SYN3: variants seen among roughly 807,000 people sequenced by gnomAD.
The protein encoded by SYN3 is synapsin III.
A neutral mutation model predicts 65.8 loss-of-function variants in SYN3; 35 were observed. That is an observed-to-expected ratio of 0.53 (90% CI 0.41 to 0.70). SYN3 has a LOEUF of 0.70. SYN3 is among the 30% of genes least tolerant of loss of function. The pLI, the probability that SYN3 is intolerant of heterozygous loss-of-function variation, is 0.00. For synonymous variants in SYN3, 270 were observed against 292.9 expected, an observed-to-expected ratio of 0.92 and a Z score of 0.80; for missense variants, 680 against 749.0, an observed-to-expected ratio of 0.91 and a Z score of 1.08.
At chr22:32,562,976 C>G (rs2146361632) in intron 7 of SYN3, among the ~76,000 whole-genome samples, 1 of 152,360 alleles carries the variant, frequency 6.6e-6, no homozygotes, top group Non-Finnish European at 1.5e-5. Context: ...GGGCAAGTAA[C>G]TTTCCCTCTC....
At chr22:32,825,340 A>T (rs2047369969) in intron 6 of SYN3, among the ~76,000 whole-genome samples, 1 of 152,160 alleles carries the variant, frequency 6.6e-6, no homozygotes, top group Non-Finnish European at 1.5e-5. Context: ...GATCCAGAGG[A>T]AATAATCAGG....
chr22:32,831,680 A>T (rs1031476513), intron 6 of SYN3, among the ~76,000 whole-genome samples: 5 of 152,108 alleles, frequency 3.3e-5, no homozygotes, highest in Non-Finnish European at 5.9e-5. Context: ...AGAGCAAAAG[A>T]CCTTACTTGG....
At chr22:32,559,752 C>A (rs901301945) in intron 7 of SYN3, among the ~76,000 whole-genome samples, 1 of 151,760 alleles carries the variant, frequency 6.6e-6, no homozygotes, top group Non-Finnish European at 1.5e-5. Context: ...ATGGTGTGAA[C>A]CTGGGAGGCA....
At chr22:33,027,669 A>G (rs2053662719) in intron 1 of SYN3, among the ~76,000 whole-genome samples, 1 of 151,932 alleles carries the variant, frequency 6.6e-6, no homozygotes, top group East Asian at 1.9e-4. Context: ...AGAAAGAAAA[A>G]GAAAGAAAAG....
intron 6 of SYN3, among the ~76,000 whole-genome samples, chr22:32,706,128 T>C (rs898235313): frequency 3.3e-5 from 5 of 152,218 alleles, no homozygotes; most frequent in Non-Finnish European, 7.3e-5. Flanking sequence ...AGGACAACCT[T>C]GTCTTTTGCC....
chr22:32,634,947 T>TA (rs2059794883), intron 6 of SYN3, among the ~76,000 whole-genome samples: 1 of 152,076 alleles, frequency 6.6e-6, no homozygotes, highest in Non-Finnish European at 1.5e-5. Context: ...TTTTTTTTTT[T>TA]AGCTCATCAG....
chr22:33,000,699 T>C (rs1260432600), intron 2 of SYN3, among the ~76,000 whole-genome samples: 1 of 152,124 alleles, frequency 6.6e-6, no homozygotes, highest in African/African-American at 2.4e-5. Context: ...CTGCAGCTCC[T>C]CTCCCCTTCA....
chr22:32,522,641 T>C (rs1191784124), intron 12 of SYN3, among the ~76,000 whole-genome samples: 2 of 152,202 alleles, frequency 1.3e-5, no homozygotes, highest in African/African-American at 4.8e-5. Flanking sequence ...CACACGTTAT[T>C]AATAGTAAGC....
chr22:32,938,697 C>T (rs542498160), intron 3 of SYN3, among the ~76,000 whole-genome samples: 4 of 152,046 alleles, frequency 2.6e-5, no homozygotes, highest in East Asian at 1.9e-4. Flanking sequence ...GAGGCCAAGA[C>T]GGGTGGATAA....
At chr22:32,913,573 T>C (rs931384990) in intron 4 of SYN3, among the ~76,000 whole-genome samples, 2 of 152,156 alleles carry the variant, frequency 1.3e-5, no homozygotes, top group African/African-American at 4.8e-5. Context: ...TTTTTCTATT[T>C]TCTTGCTGGG....
chr22:32,879,229 C>T (rs1341674770), intron 4 of SYN3, among the ~76,000 whole-genome samples: 1 of 152,174 alleles, frequency 6.6e-6, no homozygotes, highest in African/African-American at 2.4e-5. Context: ...GGTAAAGTTT[C>T]ATGGATCTGC....
chr22:32,553,963 C>A (rs1452009227), intron 7 of SYN3, among the ~76,000 whole-genome samples: 1 of 151,952 alleles, frequency 6.6e-6, no homozygotes, highest in Non-Finnish European at 1.5e-5. Flanking sequence ...GAGACATTGC[C>A]ACCTCCACTG....
chr22:33,024,809 T>C (rs941048040), intron 1 of SYN3, among the ~76,000 whole-genome samples: 2 of 152,206 alleles, frequency 1.3e-5, no homozygotes, highest in Admixed American at 6.5e-5. Context: ...AGACAGTTCA[T>C]TGGTTCCAGA....
chr22:32,636,950 T>C (rs1178519584), intron 6 of SYN3, among the ~76,000 whole-genome samples: 1 of 152,136 alleles, frequency 6.6e-6, no homozygotes, highest in Non-Finnish European at 1.5e-5. Context: ...TCCCAGTATA[T>C]AGAACAGATA....
At position 32,523,238 on chromosome 22, in the gene SYN3, C is replaced by T. The variant is rs565587584; in HGVS notation, c.1318+4680G>A. Among the ~76,000 whole-genome samples the T allele has an allele frequency of 2.6e-4, 40 of 152,254 alleles. No individual in the cohort carries two copies. The East Asian group carries it at 2.9e-3, about 11-fold the overall frequency. On this transcript the variant is annotated intron_variant, in intron 12 of 13. Transcript: ENST00000358763. Reference sequence around the variant, plus strand: ...CATATAAGACAGTGAACTGGCCGGGCGTGGTGGCTCATGCCTGTAATCCCA... The same window carrying T: ...CATATAAGACAGTGAACTGGCCGGGTGTGGTGGCTCATGCCTGTAATCCCA...
chr22:32,571,610 C>T (rs1418233718), intron 7 of SYN3, among the ~76,000 whole-genome samples: 4 of 152,224 alleles, frequency 2.6e-5, no homozygotes, highest in Non-Finnish European at 4.4e-5. Context: ...CCTTCAAGTC[C>T]TTCTCCCAAA....
intron 4 of SYN3, among the ~76,000 whole-genome samples, chr22:32,913,852 C>G (rs2050121381): frequency 1.3e-5 from 2 of 152,150 alleles, no homozygotes; most frequent in South Asian, 4.2e-4. Flanking sequence ...TTGGCAGGAA[C>G]AAATAAAAAT....
At chr22:33,041,149 C>A (rs1006424033) in intron 1 of SYN3, among the ~76,000 whole-genome samples, 1 of 152,030 alleles carries the variant, frequency 6.6e-6, no homozygotes, top group Admixed American at 6.5e-5. Flanking sequence ...GATCTCCTGA[C>A]CTCATGGTCT....
chr22:32,602,117 C>T (rs565006681), intron 6 of SYN3, among the ~76,000 whole-genome samples: 1 of 152,290 alleles, frequency 6.6e-6, no homozygotes, highest in African/African-American at 2.4e-5. Flanking sequence ...TACTTTACAA[C>T]AATATTAGAG....
Sources: gnomAD v4.1 joint callset for allele counts (sites outside exome capture counted in the v4.1 genomes callset) on GRCh38, gnomAD v4.1.1 for gene constraint, MANE v1.5 for transcripts, NCBI Gene and HGNC (gene_info 2026-07-23, HGNC 2026-07-21) for gene names.